The following LINGO2 variants were observed in gnomAD, a reference collection of about 807,000 sequenced individuals.
The protein encoded by LINGO2 is leucine-rich repeat and immunoglobulin-like domain-containing nogo receptor-interacting protein 2.
Under a neutral mutation model 30.6 loss-of-function variants are expected in LINGO2, and 14 were observed. The ratio of observed to expected loss-of-function variants is 0.46; its 90% CI spans 0.30 to 0.72. LINGO2 has a LOEUF of 0.72. Ranked by LOEUF, LINGO2 falls within the 30% of genes least tolerant of loss-of-function variation. The probability of loss-of-function intolerance (pLI) is 0.07; values close to 1 mark genes in which losing one functional copy is unlikely to be tolerated. For missense variants in LINGO2, 729 were observed against 751.7 expected (o/e 0.97, Z 0.35); for synonymous variants, 317 against 288.5 (o/e 1.10, Z -1.00).
the LINGO2 span, among the ~76,000 whole-genome samples, chr9:29,002,508 G>A: frequency 1.3e-5 from 2 of 152,058 alleles, no homozygotes; most frequent in Non-Finnish European, 2.9e-5. Flanking sequence ...GGCAAACTGA[G>A]AACAGAATCT....
chr9:28,546,002 T>C (rs568260948), intron 1 of LINGO2, among the ~76,000 whole-genome samples: 1 of 152,222 alleles, frequency 6.6e-6, no homozygotes, highest in African/African-American at 2.4e-5. Context: ...CTCTAAGTAT[T>C]CTTCACATAT....
chr9:28,382,805 G>C (rs1416560309), intron 2 of LINGO2, among the ~76,000 whole-genome samples: 2 of 151,998 alleles, frequency 1.3e-5, no homozygotes, highest in Non-Finnish European at 2.9e-5. Context: ...CTGTAAAATG[G>C]GGATAGTAAT....
At chr9:28,560,358 G>C (rs1199317949) in intron 1 of LINGO2, among the ~76,000 whole-genome samples, 1 of 152,032 alleles carries the variant, frequency 6.6e-6, no homozygotes, top group Non-Finnish European at 1.5e-5. Context: ...GAAAAATCTG[G>C]TCTTGATCTT....
the LINGO2 span, among the ~76,000 whole-genome samples, chr9:28,684,175 C>CTTTTT: frequency 0.011 from 512 of 45,448 alleles, 95 homozygotes; most frequent in East Asian, 0.033. Context: ...AAATGTTTAT[C>CTTTTT]TTTTTTTTTT....
chr9:29,071,973 AC>A, the LINGO2 span, among the ~76,000 whole-genome samples: 2 of 152,118 alleles, frequency 1.3e-5, no homozygotes, highest in East Asian at 1.9e-4. Flanking sequence ...CTTAGAAGAA[AC>A]CTTTTTATTA....
intron 3 of LINGO2, among the ~76,000 whole-genome samples, chr9:28,322,238 G>T (rs758311561): frequency 4.6e-5 from 7 of 152,120 alleles, no homozygotes; most frequent in Non-Finnish European, 7.4e-5. Context: ...TGATCATTTG[G>T]ATGACAGCAC....
At chr9:28,634,025 T>C (rs1827127973) in intron 1 of LINGO2, among the ~76,000 whole-genome samples, 1 of 152,176 alleles carries the variant, frequency 6.6e-6, no homozygotes, top group African/African-American at 2.4e-5. Context: ...CCAAGGGCTC[T>C]GGATAAGAAC....
intron 1 of LINGO2, among the ~76,000 whole-genome samples, chr9:28,661,286 A>C (rs1203058529): frequency 2.0e-5 from 3 of 152,272 alleles, no homozygotes; most frequent in Non-Finnish European, 4.4e-5. Context: ...TATGTGACCC[A>C]GTCACTCCTG....
the LINGO2 span, among the ~76,000 whole-genome samples, chr9:28,687,512 G>A: frequency 1.3e-5 from 2 of 152,056 alleles, no homozygotes; most frequent in African/African-American, 2.4e-5. Context: ...CCTATAATAT[G>A]TCTTCTGAAG....
the LINGO2 span, among the ~76,000 whole-genome samples, chr9:28,752,484 C>T: frequency 6.6e-6 from 1 of 152,020 alleles, no homozygotes; most frequent in Non-Finnish European, 1.5e-5. Context: ...AATAGGCACA[C>T]AATCTATGCT....
intron 2 of LINGO2, among the ~76,000 whole-genome samples, chr9:28,434,334 A>T (rs948321127): frequency 1.1e-5 from 1 of 93,162 alleles, no homozygotes; most frequent in Non-Finnish European, 2.7e-5. Context: ...AAATAAAAAA[A>T]ATTAAGAAAA....
At chr9:28,172,998 C>G (rs1828645690) in intron 4 of LINGO2, among the ~76,000 whole-genome samples, 1 of 152,112 alleles carries the variant, frequency 6.6e-6, no homozygotes, top group Admixed American at 6.5e-5. Context: ...TCTGACTGTG[C>G]CTATTAGGTT....
At chr9:28,205,921 G>A (rs1236168471) in intron 4 of LINGO2, among the ~76,000 whole-genome samples, 1 of 151,976 alleles carries the variant, frequency 6.6e-6, no homozygotes, top group African/African-American at 2.4e-5. Flanking sequence ...GGTGGCTCAC[G>A]CCTGTTATCC....
intron 1 of LINGO2, among the ~76,000 whole-genome samples, chr9:28,511,534 G>T (rs747991762): frequency 9.9e-5 from 15 of 152,176 alleles, no homozygotes; most frequent in Non-Finnish European, 2.1e-4. Flanking sequence ...AAAAGGCTGA[G>T]TGGTGTCCAC....
intron 4 of LINGO2, among the ~76,000 whole-genome samples, chr9:28,223,827 A>G (rs920638026): frequency 6.6e-6 from 1 of 152,176 alleles, no homozygotes; most frequent in African/African-American, 2.4e-5. Flanking sequence ...AAAAATTTGG[A>G]TGCATATTGA....
chr9:28,982,377 C>T, the LINGO2 span, among the ~76,000 whole-genome samples: 1 of 151,894 alleles, frequency 6.6e-6, no homozygotes, highest in Non-Finnish European at 1.5e-5. Flanking sequence ...TACCCACATT[C>T]CTATTCTCAG....
intron 2 of LINGO2, among the ~76,000 whole-genome samples, chr9:28,456,494 A>G (rs375753683): frequency 7.2e-5 from 11 of 152,326 alleles, no homozygotes; most frequent in African/African-American, 2.6e-4. Flanking sequence ...GAGTACCAAA[A>G]GAGAAATTTG....
chr9:29,179,407 C>CATTT, the LINGO2 span, among the ~76,000 whole-genome samples: 1 of 151,522 alleles, frequency 6.6e-6, no homozygotes. Context: ...TCATTCTGAG[C>CATTT]ATTTATTTAT....
chr9:28,648,541 C>T (rs1256625643), intron 1 of LINGO2, among the ~76,000 whole-genome samples: 1 of 152,070 alleles, frequency 6.6e-6, no homozygotes, highest in Non-Finnish European at 1.5e-5. Flanking sequence ...ATCTCATAGA[C>T]TCAGAAATTA....
Sources: gnomAD v4.1 joint callset for allele counts (sites outside exome capture counted in the v4.1 genomes callset) on GRCh38, gnomAD v4.1.1 for gene constraint, MANE v1.5 for transcripts, NCBI Gene and HGNC (gene_info 2026-07-23, HGNC 2026-07-21) for gene names.